The following FBN2 variants were observed in gnomAD, a reference collection of about 807,000 sequenced individuals.
FBN2 encodes fibrillin 2, also known as fibrillin-2.
A neutral mutation model predicts 355.6 loss-of-function variants in FBN2; 105 were observed. That is an observed-to-expected ratio of 0.30 (90% CI 0.25 to 0.35). The LOEUF is 0.35. FBN2 is among the 10% of genes least tolerant of loss of function. The pLI is 1.00. For missense variants in FBN2, 3,280 were observed against 3,758.7 expected (o/e 0.87, Z 3.33); for synonymous variants, 1,350 against 1,301.2 (o/e 1.04, Z -0.81).
intron 5 of FBN2, among the ~76,000 whole-genome samples, chr5:128,479,986 A>C (rs1401941984): frequency 0.057 from 1,176 of 20,582 alleles, 1 homozygote; most frequent in East Asian, 0.14. Flanking sequence ...CTATATATAT[A>C]TATATATATA....
At chr5:128,500,381 T>C (rs1398767210) in intron 5 of FBN2, among the ~76,000 whole-genome samples, 1 of 140,980 alleles carries the variant, frequency 7.1e-6, no homozygotes, top group African/African-American at 2.6e-5. Context: ...TCATAACCCC[T>C]CTTCCCTCAA....
chr5:128,284,036 G>T (rs1749065207), intron 55 of FBN2, among the ~76,000 whole-genome samples: 1 of 152,118 alleles, frequency 6.6e-6, no homozygotes, highest in African/African-American at 2.4e-5. Flanking sequence ...TCGTCTGGAT[G>T]TTTAAGACAG....
chr5:128,436,468 T>C (rs928981674), intron 7 of FBN2, among the ~76,000 whole-genome samples: 2 of 152,212 alleles, frequency 1.3e-5, no homozygotes, highest in Admixed American at 1.3e-4. Flanking sequence ...CAAACTACTC[T>C]ATGCTCTGCC....
chr5:128,318,638 C>T (rs1479613921), intron 35 of FBN2, among the ~76,000 whole-genome samples: 1 of 151,724 alleles, frequency 6.6e-6, no homozygotes, highest in Admixed American at 6.6e-5. Context: ...TAAAGAGACA[C>T]TTTACTAGTT....
rs1191444828 is a variant in FBN2 at position 128,528,110 on chromosome 5, T to G, written c.437-143A>C. 1.2e-5 allele frequency: 8 copies of G among 671,904 alleles called. 1 individual carries two copies. The allele number at this position is 671,904 out of a possible 1,614,324, so 41.6% of individuals were successfully genotyped here. A position where few individuals can be genotyped will look rare whatever the true frequency, so the allele number is the denominator to read the frequency against. On this transcript the variant is annotated intron_variant, in intron 3 of 64. Coordinates refer to ENST00000262464, the MANE Select transcript of FBN2 (RefSeq NM_001999.4). ...AAGGAAATACTATGACCCAAACATA[T>G]TTTTATTCATCATTTCTTTATAAGT... is the stretch of plus-strand genomic sequence containing the variant.
intron 15 of FBN2, among the ~76,000 whole-genome samples, chr5:128,369,944 T>C (rs910005869): frequency 6.6e-6 from 1 of 152,212 alleles, no homozygotes; most frequent in Non-Finnish European, 1.5e-5. Flanking sequence ...ATTATCTCAT[T>C]GAACAGTCAG....
At chr5:128,328,019 CCTTT>C (rs902910665) in intron 34 of FBN2, 1 of 153,394 alleles carries the variant, frequency 6.5e-6, no homozygotes, top group Non-Finnish European at 1.5e-5. Context: ...TTCAATCTCT[CCTTT>C]CTTCATTTAT....
intron 7 of FBN2, among the ~76,000 whole-genome samples, chr5:128,414,807 T>A (rs1561445524): frequency 6.8e-6 from 1 of 148,048 alleles, no homozygotes; most frequent in Non-Finnish European, 1.5e-5. Context: ...CATTATCTAC[T>A]TTTTTTTTTG....
chr5:128,458,788 C>G (rs933361451), intron 6 of FBN2, among the ~76,000 whole-genome samples: 1 of 152,078 alleles, frequency 6.6e-6, no homozygotes, highest in Non-Finnish European at 1.5e-5. Context: ...CTCTGGGACA[C>G]AGCTAAAGCA....
chr5:128,455,998 A>AAACAAAAAAAAAAAAC, intron 6 of FBN2, among the ~76,000 whole-genome samples: 2 of 134,480 alleles, frequency 1.5e-5, no homozygotes, highest in Non-Finnish European at 3.1e-5. Flanking sequence ...AACAAAAAAA[A>AAACAAAAAAAAAAAAC]AAAAAAAAAA....
At chr5:128,269,282 A>G (rs1765203593) in intron 62 of FBN2, among the ~76,000 whole-genome samples, 1 of 143,920 alleles carries the variant, frequency 6.9e-6, no homozygotes, top group South Asian at 2.2e-4. Context: ...TAATAATAAT[A>G]GTAATAATAA....
intron 7 of FBN2, among the ~76,000 whole-genome samples, chr5:128,424,117 G>T (rs560859902): frequency 1.2e-4 from 18 of 152,168 alleles, no homozygotes; most frequent in Non-Finnish European, 1.8e-4. Context: ...GATAATTGTG[G>T]GATGTTTAAA....
At chr5:128,349,879 A>G (rs1751301047) in intron 22 of FBN2, 76 bp downstream of exon 22, 3 of 1,138,642 alleles carry the variant, frequency 2.6e-6, no homozygotes, top group South Asian at 2.6e-5. Flanking sequence ...AAATATCTCC[A>G]AAGTTTGAGA....
At chr5:128,302,772 A>G in intron 46 of FBN2, among the ~76,000 whole-genome samples, 1 of 152,144 alleles carries the variant, frequency 6.6e-6, no homozygotes, top group Non-Finnish European at 1.5e-5. Context: ...AAAGGATTCA[A>G]GAGTATATTG....
chr5:128,506,212 T>C (rs968327093), intron 5 of FBN2, among the ~76,000 whole-genome samples: 4 of 152,298 alleles, frequency 2.6e-5, no homozygotes, highest in African/African-American at 9.6e-5. Flanking sequence ...GGTAAGACTT[T>C]TGCTGTGATT....
chr5:128,270,586 C>A (rs1430655288), intron 62 of FBN2, among the ~76,000 whole-genome samples: 3 of 152,132 alleles, frequency 2.0e-5, no homozygotes, highest in Non-Finnish European at 4.4e-5. Context: ...AGGACACAGG[C>A]ATGGGCAAAG....
At chr5:128,442,881 G>T (rs1753960481) in intron 7 of FBN2, among the ~76,000 whole-genome samples, 1 of 152,152 alleles carries the variant, frequency 6.6e-6, no homozygotes, top group African/African-American at 2.4e-5. Flanking sequence ...GGGAAAAAAA[G>T]AGTCGCAGGA....
At chr5:128,307,255 A>G (rs772661471) in intron 41 of FBN2, 52 bp from the exon 42 acceptor site, 11 of 1,022,390 alleles carry the variant, frequency 1.1e-5, no homozygotes, top group Non-Finnish European at 1.7e-5. Flanking sequence ...AATTCCTTCA[A>G]AATAACATTT....
At chr5:128,422,570 G>T (rs1366346496) in intron 7 of FBN2, among the ~76,000 whole-genome samples, 1 of 152,136 alleles carries the variant, frequency 6.6e-6, no homozygotes, top group Non-Finnish European at 1.5e-5. Flanking sequence ...CTAATTAATG[G>T]CAAGAGTTAA....
Sources: gnomAD v4.1 joint callset for allele counts (sites outside exome capture counted in the v4.1 genomes callset) on GRCh38, gnomAD v4.1.1 for gene constraint, MANE v1.5 for transcripts, NCBI Gene and HGNC (gene_info 2026-07-23, HGNC 2026-07-21) for gene names.